The following CTNNA3 variants were observed in gnomAD, a reference collection of about 807,000 sequenced individuals.
CTNNA3 encodes the protein catenin alpha-3.
Under a neutral mutation model 95.7 loss-of-function variants are expected in CTNNA3, and 76 were observed. That is an observed-to-expected ratio of 0.79 (90% CI 0.66 to 0.96). The LOEUF is 0.96. CTNNA3 is among the 40% of genes least tolerant of loss of function. The pLI is 0.00. For synonymous variants in CTNNA3, 431 were observed against 374.4 expected (o/e 1.15, Z -1.74); for missense variants, 1,191 against 1,089.8 (o/e 1.09, Z -1.31).
intron 11 of CTNNA3, among the ~76,000 whole-genome samples, chr10:66,422,734 A>T (rs2093206073): frequency 6.6e-6 from 1 of 152,004 alleles, no homozygotes; most frequent in African/African-American, 2.4e-5. Context: ...TTGTATTTTG[A>T]GAAAGATGAT....
intron 3 of CTNNA3, among the ~76,000 whole-genome samples, chr10:67,556,383 C>T (rs948969808): frequency 6.6e-6 from 1 of 152,098 alleles, no homozygotes; most frequent in East Asian, 1.9e-4. Context: ...CCATCTGGTC[C>T]TGGAATTTTT....
At chr10:66,107,026 A>G (rs1464351455) in intron 13 of CTNNA3, among the ~76,000 whole-genome samples, 2 of 152,152 alleles carry the variant, frequency 1.3e-5, no homozygotes, top group Non-Finnish European at 2.9e-5. Flanking sequence ...ATCTCTTTTA[A>G]TTGGACTTTA....
At chr10:67,762,792 C>G (rs1841469240) in intron 1 of CTNNA3, among the ~76,000 whole-genome samples, 1 of 152,174 alleles carries the variant, frequency 6.6e-6, no homozygotes, top group Non-Finnish European at 1.5e-5. Flanking sequence ...CTGACCTAAT[C>G]AGTTATGTTA....
intron 7 of CTNNA3, among the ~76,000 whole-genome samples, chr10:66,977,773 T>C (rs1353342240): frequency 6.6e-6 from 1 of 152,166 alleles, no homozygotes; most frequent in African/African-American, 2.4e-5. Context: ...CTGAGTTGGG[T>C]GGATAGTTTT....
chr10:66,202,125 C>T (rs1427184663), intron 13 of CTNNA3, among the ~76,000 whole-genome samples: 1 of 152,192 alleles, frequency 6.6e-6, no homozygotes, highest in Non-Finnish European at 1.5e-5. Context: ...ATTGCACCTA[C>T]TGCAAAAGTT....
rs184102433 is a variant in CTNNA3 at position 66,578,910 on chromosome 10, G to C, written c.1374+42782C>G. Among the ~76,000 whole-genome samples the C allele has an allele frequency of 1.5e-4, 23 of 150,428 alleles. No homozygotes were observed. In the East Asian group the frequency reaches 3.9e-3, roughly 26 times the overall value. ...TTTTGGAATAATTTCAGTAGGATTA[G>C]TACTAGCTGTTTTTTGTATGTCTGG... On this transcript the variant is annotated intron_variant, in intron 10 of 17. Coordinates refer to ENST00000433211, the MANE Select transcript of CTNNA3 (RefSeq NM_013266.4).
At chr10:67,445,104 T>C (rs574113956) in intron 5 of CTNNA3, among the ~76,000 whole-genome samples, 5 of 151,566 alleles carry the variant, frequency 3.3e-5, no homozygotes, top group African/African-American at 9.7e-5. Flanking sequence ...GAGGCGAGTA[T>C]TACCCTGACA....
chr10:66,507,102 T>A (rs138223960), intron 11 of CTNNA3, among the ~76,000 whole-genome samples: 6 of 152,322 alleles, frequency 3.9e-5, no homozygotes, highest in Admixed American at 2.6e-4. Flanking sequence ...TTTTCCATTT[T>A]CTTTGTCAAA....
At chr10:67,336,655 A>G (rs546848759) in intron 5 of CTNNA3, among the ~76,000 whole-genome samples, 2 of 152,172 alleles carry the variant, frequency 1.3e-5, no homozygotes, top group Non-Finnish European at 2.9e-5. Flanking sequence ...CTTGGTTTCA[A>G]AGCTTCAAAA....
chr10:67,154,601 T>C (rs762426382), intron 7 of CTNNA3, among the ~76,000 whole-genome samples: 4 of 152,336 alleles, frequency 2.6e-5, no homozygotes, highest in Non-Finnish European at 4.4e-5. Context: ...TGGACAACCA[T>C]AGAAGTCATT....
intron 7 of CTNNA3, among the ~76,000 whole-genome samples, chr10:67,009,946 C>T (rs1359589894): frequency 6.6e-6 from 1 of 152,158 alleles, no homozygotes; most frequent in African/African-American, 2.4e-5. Flanking sequence ...AAACTTGGAT[C>T]TAAGCAAGAA....
intron 1 of CTNNA3, among the ~76,000 whole-genome samples, chr10:67,659,655 G>A (rs1032761697): frequency 2.0e-5 from 3 of 152,172 alleles, no homozygotes; most frequent in African/African-American, 7.2e-5. Flanking sequence ...ACCAGAACAA[G>A]AATAACCTTC....
chr10:66,315,141 T>C (rs956244842), intron 12 of CTNNA3, among the ~76,000 whole-genome samples: 5 of 152,060 alleles, frequency 3.3e-5, no homozygotes, highest in Non-Finnish European at 5.9e-5. Context: ...CCTTTTTTTT[T>C]CTCTACTAGA....
At chr10:66,462,360 G>T (rs2131851031) in intron 11 of CTNNA3, among the ~76,000 whole-genome samples, 1 of 152,016 alleles carries the variant, frequency 6.6e-6, no homozygotes, top group South Asian at 2.1e-4. Context: ...GATTAATTTG[G>T]AGTCTTTTAC....
At chr10:65,957,561 A>G (rs1273746061) in intron 17 of CTNNA3, among the ~76,000 whole-genome samples, 1 of 152,102 alleles carries the variant, frequency 6.6e-6, no homozygotes, top group East Asian at 1.9e-4. Flanking sequence ...TGCTTCCTTC[A>G]GGAGCTCTTG....
intron 1 of CTNNA3, among the ~76,000 whole-genome samples, chr10:67,724,144 G>A (rs2133621690): frequency 6.6e-6 from 1 of 152,212 alleles, no homozygotes; most frequent in Admixed American, 6.5e-5. Context: ...CCTCACCCCT[G>A]CTCCCTGGTG....
intron 7 of CTNNA3, among the ~76,000 whole-genome samples, chr10:67,063,816 C>T (rs971558255): frequency 2.0e-5 from 3 of 152,102 alleles, no homozygotes; most frequent in Non-Finnish European, 4.4e-5. Context: ...GTTGCTGAAT[C>T]CCACAAAGAC....
rs773470785 is a variant in CTNNA3 at position 66,519,972 on chromosome 10, C to T, written c.1531+645G>A. 1.3e-4 allele frequency among the ~76,000 whole-genome samples: 20 copies of T among 151,984 alleles called. 1 individual carries two copies. The highest frequency in any genetic ancestry group is 2.1e-4 in the Non-Finnish European group (14 of 67,990). On this transcript the variant is annotated intron_variant, in intron 11 of 17. Transcript: ENST00000433211. ...GAGAAAAATTTGGTTGGAAAAGAAG[C>T]GCAGGGAAATCAGGATTTATTTGAA...
chr10:67,377,687 G>T (rs1056733196), intron 5 of CTNNA3, among the ~76,000 whole-genome samples: 1 of 152,070 alleles, frequency 6.6e-6, no homozygotes, highest in Non-Finnish European at 1.5e-5. Flanking sequence ...AGTACATAGT[G>T]ATGTTTCAAT....
Sources: gnomAD v4.1 joint callset for allele counts (sites outside exome capture counted in the v4.1 genomes callset) on GRCh38, gnomAD v4.1.1 for gene constraint, MANE v1.5 for transcripts, NCBI Gene and HGNC (gene_info 2026-07-23, HGNC 2026-07-21) for gene names.